Variants in PICALM observed in about 807,000 individuals in gnomAD.
The protein encoded by PICALM is phosphatidylinositol-binding clathrin assembly protein.
A neutral mutation model predicts 80.5 loss-of-function variants in PICALM; 40 were observed. The observed-to-expected ratio is 0.50, with a 90% CI of 0.39 to 0.65. The LOEUF is 0.65. PICALM is among the 30% of genes least tolerant of loss of function. The pLI, the probability that PICALM is intolerant of heterozygous loss-of-function variation, is 0.00. For synonymous variants in PICALM, 288 were observed against 260.3 expected (o/e 1.11, Z -1.02); for missense variants, 676 against 778.9 (o/e 0.87, Z 1.57).
intron 14 of PICALM, chr11:85,982,326 G>A (rs1373775192): frequency 4.6e-6 from 1 of 215,118 alleles, no homozygotes; most frequent in East Asian, 9.5e-5. Context: ...AAAATTTTCT[G>A]AAGACTCACT....
intron 19 of PICALM, among the ~76,000 whole-genome samples, chr11:85,962,948 A>G (rs761252160): frequency 1.3e-5 from 2 of 152,180 alleles, no homozygotes; most frequent in Non-Finnish European, 2.9e-5. Context: ...CAGAGAGTAA[A>G]TAAGAGAAGG....
At chr11:86,059,585 C>A (rs2096324326) in intron 1 of PICALM, among the ~76,000 whole-genome samples, 1 of 152,068 alleles carries the variant, frequency 6.6e-6, no homozygotes, top group Non-Finnish European at 1.5e-5. Context: ...AAGTTCGAGA[C>A]CAGCCTAGGA....
intron 1 of PICALM, among the ~76,000 whole-genome samples, chr11:86,067,070 C>G (rs1273449255): frequency 6.6e-6 from 1 of 152,156 alleles, no homozygotes; most frequent in Non-Finnish European, 1.5e-5. Flanking sequence ...AACTTTTTTC[C>G]ACAGTGGAGG....
chr11:85,981,205 C>T lies in PICALM; in HGVS notation c.1703G>A (p.Gly568Asp). The T allele has an allele frequency of 6.3e-7, 1 of 1,596,282 alleles. No individual in the cohort carries two copies. Among genetic ancestry groups the T allele is most frequent in the Admixed American group, 1.7e-5 (1 of 59,986 alleles). The stretch of plus-strand genomic sequence containing the variant: ...AGATCCCCCAGTTAACTTCTTTTCA[C>T]CTGGTTGACTCCAATTTACATCACT... ...TKNDVNWSQP[G>D]EKKLTGGSNW... The change falls in exon 17 of 20, where the codon GGT becomes GAT. Residue 568 changes from glycine to aspartate, a missense_variant. Gly to Asp is a moderately conservative substitution (Grantham distance 94). Coordinates refer to ENST00000393346, the MANE Select transcript of PICALM (RefSeq NM_007166.4).
At chr11:86,058,248 C>A (rs1350911836) in intron 1 of PICALM, among the ~76,000 whole-genome samples, 2 of 152,124 alleles carry the variant, frequency 1.3e-5, no homozygotes, top group East Asian at 1.9e-4. Flanking sequence ...ACACACACAC[C>A]CCCACAAAGA....
chr11:85,990,404 G>T lies in PICALM; in HGVS notation c.1259-5C>A. ...CTACAGTAGCAGAGAAAGGATCTGT[G>T]CAGTCCAAATGTATTATAGCAAAAT... On this transcript the variant is annotated splice_polypyrimidine_tract_variant and splice_region_variant and intron_variant, in intron 12 of 19. Coordinates refer to ENST00000393346, the MANE Select transcript of PICALM (RefSeq NM_007166.4). 1 of 1,580,490 alleles carries T rather than the reference G, an allele frequency of 6.3e-7. No homozygotes were observed.
intron 17 of PICALM, among the ~76,000 whole-genome samples, chr11:85,979,890 G>T (rs2094391938): frequency 6.6e-6 from 1 of 152,182 alleles, no homozygotes; most frequent in Non-Finnish European, 1.5e-5. Flanking sequence ...ACGAAAATTT[G>T]TTGGTTGGTA....
intron 1 of PICALM, among the ~76,000 whole-genome samples, chr11:86,054,115 T>G (rs1490296817): frequency 6.6e-6 from 1 of 152,146 alleles, no homozygotes; most frequent in Non-Finnish European, 1.5e-5. Context: ...ACAAAAGCCA[T>G]GAGTTCACAG....
At chr11:86,016,123 T>C (rs2095477667) in intron 4 of PICALM, among the ~76,000 whole-genome samples, 1 of 152,220 alleles carries the variant, frequency 6.6e-6, no homozygotes, top group Non-Finnish European at 1.5e-5. Context: ...GCAACTCTTC[T>C]TACTGATGTC....
intron 13 of PICALM, among the ~76,000 whole-genome samples, chr11:85,989,318 G>A (rs2094688294): frequency 6.6e-6 from 1 of 152,112 alleles, no homozygotes; most frequent in Non-Finnish European, 1.5e-5. Context: ...CTACTAACTT[G>A]CTTTCTAGTT....
chr11:86,024,337 T>C (rs2095615323), intron 3 of PICALM, among the ~76,000 whole-genome samples: 1 of 151,040 alleles, frequency 6.6e-6, no homozygotes, highest in Admixed American at 6.6e-5. Context: ...ATTAAATTCT[T>C]TTTAAGCAAT....
At chr11:85,982,847 T>A (rs1181884843) in intron 14 of PICALM, among the ~76,000 whole-genome samples, 1 of 152,136 alleles carries the variant, frequency 6.6e-6, no homozygotes, top group Non-Finnish European at 1.5e-5. Context: ...GAAAATAAAA[T>A]TCTTTAAGTT....
intron 19 of PICALM, among the ~76,000 whole-genome samples, chr11:85,969,827 A>C (rs191851913): frequency 4.9e-3 from 753 of 152,298 alleles, no homozygotes; most frequent in Non-Finnish European, 5.5e-3. Context: ...CCAACAGTTT[A>C]ATTTTTAATT....
chr11:86,012,363 T>C lies in PICALM; in HGVS notation c.576A>G (p.Val192=), dbSNP rs199846387. The C allele has an allele frequency of 8.5e-5, 137 of 1,609,306 alleles. No homozygotes were observed. The Middle Eastern group carries it at 9.9e-4, about 12-fold the overall frequency. Residue 192 remains valine, a synonymous_variant, in exon 6 of 20, where the codon GTA becomes GTG. Transcript: ENST00000393346. ...NVNSNELTNG[V]INAAFMLLFK... The stretch of plus-strand genomic sequence containing the variant: ...ACAGGAGCATGAAGGCAGCATTTAT[T>C]ACCCCATTTGTAAGTTCATTGCTAT...
intron 1 of PICALM, among the ~76,000 whole-genome samples, chr11:86,046,257 C>A (rs567469638): frequency 6.6e-6 from 1 of 152,220 alleles, no homozygotes; most frequent in South Asian, 2.1e-4. Context: ...TACAACTGTA[C>A]TATAACAAGA....
intron 17 of PICALM, among the ~76,000 whole-genome samples, chr11:85,979,776 C>T (rs554397106): frequency 2.6e-5 from 4 of 152,306 alleles, no homozygotes; most frequent in African/African-American, 9.6e-5. Flanking sequence ...AGTAACAGGA[C>T]AGCTGTCAGT....
intron 1 of PICALM, among the ~76,000 whole-genome samples, chr11:86,039,882 T>C (rs538589738): frequency 1.3e-5 from 2 of 151,694 alleles, no homozygotes; most frequent in East Asian, 3.9e-4. Context: ...CGGGAGCCTG[T>C]AGTCCCAGCT....
At chr11:86,018,840 G>A (rs1377820612) in intron 4 of PICALM, among the ~76,000 whole-genome samples, 1 of 151,344 alleles carries the variant, frequency 6.6e-6, no homozygotes, top group African/African-American at 2.4e-5. Context: ...AGTGAGCCAA[G>A]AGCACGCCAC....
rs114523005 is a variant in PICALM, at chr11:86,029,638, T to C, written c.273+1831A>G. Among the ~76,000 whole-genome samples the C allele has an allele frequency of 1.6e-3, 250 of 152,350 alleles. 1 individual carries two copies. The highest frequency in any genetic ancestry group is 5.7e-3 in the African/African-American group (235 of 41,590). On this transcript the variant is annotated intron_variant, in intron 2 of 19. Coordinates refer to ENST00000393346, the MANE Select transcript of PICALM (RefSeq NM_007166.4). ...TATTTACAGCCTCTGAAAGCCATTA[T>C]TGATACTTTGTTTATCTGGCAGTGT...
Sources: allele counts gnomAD v4.1 joint callset (sites outside exome capture counted in the v4.1 genomes callset), GRCh38; gene constraint gnomAD v4.1.1; transcripts MANE v1.5; gene names NCBI Gene and HGNC (gene_info 2026-07-23, HGNC 2026-07-21).